GRXCR1: variants seen among roughly 807,000 people sequenced by gnomAD.
The protein encoded by GRXCR1 is glutaredoxin and cysteine rich domain containing 1.
In GRXCR1, 27 loss-of-function variants were observed where a neutral mutation model predicts 27.3. The ratio of observed to expected loss-of-function variants is 0.99; its 90% confidence interval spans 0.73 to 1.37. GRXCR1 has a LOEUF of 1.37. Ranked by LOEUF, GRXCR1 falls within the 40% of genes most tolerant of loss-of-function variation. The pLI, the probability that GRXCR1 is intolerant of heterozygous loss-of-function variation, is 0.00. For synonymous variants in GRXCR1, 122 were observed against 131.1 expected (o/e 0.93, Z 0.47); for missense variants, 379 against 354.4 (o/e 1.07, Z -0.56).
At chr4:42,987,005 T>TGTGC (rs1036448409) in intron 2 of GRXCR1, among the ~76,000 whole-genome samples, 3 of 129,628 alleles carry the variant, frequency 2.3e-5, no homozygotes, top group African/African-American at 7.7e-5. Flanking sequence ...TATGTGTATG[T>TGTGC]GTGTGTGTGT....
At chr4:42,938,921 C>A (rs1374593431) in intron 1 of GRXCR1, among the ~76,000 whole-genome samples, 1 of 151,108 alleles carries the variant, frequency 6.6e-6, no homozygotes, top group Non-Finnish European at 1.5e-5. Flanking sequence ...TCTGTAGTAT[C>A]ATTTGAAATT....
intron 2 of GRXCR1, among the ~76,000 whole-genome samples, chr4:42,977,231 A>T (rs1412011540): frequency 6.6e-6 from 1 of 152,042 alleles, no homozygotes; most frequent in Non-Finnish European, 1.5e-5. Context: ...ATGGACACTT[A>T]GATTGATTCT....
chr4:43,024,986 G>C (rs1713208127), intron 3 of GRXCR1, among the ~76,000 whole-genome samples: 1 of 152,090 alleles, frequency 6.6e-6, no homozygotes, highest in African/African-American at 2.4e-5. Flanking sequence ...AGCTCTATTG[G>C]AATAGGATTT....
chr4:42,919,489 C>T (rs967777274), intron 1 of GRXCR1, among the ~76,000 whole-genome samples: 2 of 152,094 alleles, frequency 1.3e-5, no homozygotes, highest in African/African-American at 4.8e-5. Context: ...TGATACGCTA[C>T]AAAACTTTAT....
intron 2 of GRXCR1, among the ~76,000 whole-genome samples, chr4:43,013,891 T>C (rs1712846551): frequency 6.6e-6 from 1 of 152,102 alleles, no homozygotes; most frequent in South Asian, 2.1e-4. Flanking sequence ...GAACATCTAG[T>C]TTGATAATAT....
At chr4:42,912,521 T>C (rs1410899156) in intron 1 of GRXCR1, among the ~76,000 whole-genome samples, 1 of 152,176 alleles carries the variant, frequency 6.6e-6, no homozygotes, top group Non-Finnish European at 1.5e-5. Flanking sequence ...TACAGGAAGT[T>C]TCTTACTTCA....
chr4:43,020,350 A>G lies in GRXCR1; in HGVS notation c.628-4A>G. 9 of 1,595,412 alleles carry G rather than the reference A, an allele frequency of 5.6e-6. No homozygotes were observed. The highest frequency in any genetic ancestry group is 7.7e-6 in the Non-Finnish European group (9 of 1,163,090). ...TTTTTCTCCCTACTCTCTCTCGTTA[A>G]TAGGGTGCTGAGAAAATTTTGTCAA... is the stretch of plus-strand genomic sequence containing the variant. On this transcript the variant is annotated splice_region_variant and splice_polypyrimidine_tract_variant and intron_variant, in intron 2 of 3. Coordinates refer to ENST00000399770, the MANE Select transcript of GRXCR1 (RefSeq NM_001080476.3).
chr4:42,919,713 G>C (rs1746966348), intron 1 of GRXCR1, among the ~76,000 whole-genome samples: 1 of 152,104 alleles, frequency 6.6e-6, no homozygotes, highest in Non-Finnish European at 1.5e-5. Flanking sequence ...GGGAAACAAG[G>C]CCATTTCCAG....
rs564739533 is a variant in GRXCR1, at chr4:43,001,950, A to T, written c.628-18404A>T. On this transcript the variant is annotated intron_variant, in intron 2 of 3. Coordinates refer to ENST00000399770, the MANE Select transcript of GRXCR1 (RefSeq NM_001080476.3). ...GTTCAAGGGAAGATACTATGCCTAG[A>T]TGTGCATGTGGGCCAGATTTATGTT... Among the ~76,000 whole-genome samples, 5 of 152,356 alleles carry T rather than the reference A, an allele frequency of 3.3e-5. No individual in the cohort carries two copies. The South Asian group carries it at 1.0e-3, about 32-fold the overall frequency.
chr4:43,009,015 T>A (rs1446107873), intron 2 of GRXCR1, among the ~76,000 whole-genome samples: 1 of 152,212 alleles, frequency 6.6e-6, no homozygotes, highest in Non-Finnish European at 1.5e-5. Flanking sequence ...GTCCTATCCA[T>A]GGAAATATCA....
chr4:43,025,450 AACTC>A (rs1217264743), intron 3 of GRXCR1, among the ~76,000 whole-genome samples: 4 of 152,234 alleles, frequency 2.6e-5, no homozygotes, highest in African/African-American at 7.2e-5. Flanking sequence ...TATCTTTTAA[AACTC>A]ACTCACAGGA....
At chr4:42,894,759 G>A (rs1465320751) in intron 1 of GRXCR1, among the ~76,000 whole-genome samples, 1 of 152,056 alleles carries the variant, frequency 6.6e-6, no homozygotes, top group Non-Finnish European at 1.5e-5. Context: ...GTTGGAGACT[G>A]AAAATCAGAA....
intron 2 of GRXCR1, among the ~76,000 whole-genome samples, chr4:42,989,545 A>G (rs1401447216): frequency 6.6e-6 from 1 of 152,202 alleles, no homozygotes; most frequent in African/African-American, 2.4e-5. Context: ...ATTTAAATTT[A>G]CTTCTCCCTC....
At chr4:42,907,476 A>G (rs1316355964) in intron 1 of GRXCR1, among the ~76,000 whole-genome samples, 3 of 152,042 alleles carry the variant, frequency 2.0e-5, no homozygotes, top group Admixed American at 6.6e-5. Context: ...TAGCACTTCT[A>G]CTCAATTAGG....
At chr4:43,004,037 A>C (rs919028199) in intron 2 of GRXCR1, among the ~76,000 whole-genome samples, 16 of 152,200 alleles carry the variant, frequency 1.1e-4, no homozygotes, top group African/African-American at 3.6e-4. Context: ...GGCCTAGGAG[A>C]GAAAACTGCT....
chr4:43,001,590 C>A (rs1458292576), intron 2 of GRXCR1, among the ~76,000 whole-genome samples: 1 of 152,104 alleles, frequency 6.6e-6, no homozygotes, highest in Non-Finnish European at 1.5e-5. Context: ...TTGGAAGCTT[C>A]CAAATAGCTT....
At chr4:43,023,532 G>A (rs1194430183) in intron 3 of GRXCR1, among the ~76,000 whole-genome samples, 1 of 152,220 alleles carries the variant, frequency 6.6e-6, no homozygotes, top group Non-Finnish European at 1.5e-5. Flanking sequence ...GCCAAAGGCA[G>A]CAGAAGCTAG....
intron 1 of GRXCR1, among the ~76,000 whole-genome samples, chr4:42,929,756 A>AG (rs1227618244): frequency 6.6e-6 from 1 of 151,896 alleles, no homozygotes; most frequent in Non-Finnish European, 1.5e-5. Flanking sequence ...ATGAATGGAG[A>AG]GGGGCCCACC....
At chr4:42,965,336 TC>T (rs1470343625) in intron 2 of GRXCR1, among the ~76,000 whole-genome samples, 5 of 152,050 alleles carry the variant, frequency 3.3e-5, no homozygotes, top group Non-Finnish European at 7.4e-5. Context: ...AAACAGATAT[TC>T]CCCCTTCTTT....
Sources: allele counts gnomAD v4.1 joint callset (sites outside exome capture counted in the v4.1 genomes callset), GRCh38; gene constraint gnomAD v4.1.1; transcripts MANE v1.5; gene names NCBI Gene and HGNC (gene_info 2026-07-23, HGNC 2026-07-21).